SCFD2: variants seen among roughly 807,000 people sequenced by gnomAD.
SCFD2 encodes sec1 family domain-containing protein 2.
SCFD2 carries 54 observed loss-of-function variants against 58.9 expected under a neutral mutation model. The ratio of observed to expected loss-of-function variants is 0.92; its 90% CI spans 0.74 to 1.15. The LOEUF is 1.15. Ranked by LOEUF, SCFD2 falls within the 50% of genes most tolerant of loss-of-function variation. The pLI is 0.00. For synonymous variants in SCFD2, 321 were observed against 335.9 expected, an observed-to-expected ratio of 0.96 and a Z score of 0.49; for missense variants, 805 against 836.6, an observed-to-expected ratio of 0.96 and a Z score of 0.47.
chr4:53,352,955 T>C (rs1180024295), intron 1 of SCFD2, among the ~76,000 whole-genome samples, 189 bp from the exon 2 acceptor site: 7 of 152,152 alleles, frequency 4.6e-5, no homozygotes. Context: ...ACCTCACAGG[T>C]TGTAATTAAG....
chr4:53,182,571 A>G (rs1050657508), intron 4 of SCFD2, among the ~76,000 whole-genome samples: 24 of 152,208 alleles, frequency 1.6e-4, no homozygotes, highest in African/African-American at 4.8e-4. Flanking sequence ...CCTAGGCAAT[A>G]CCATTCAGGA....
intron 4 of SCFD2, among the ~76,000 whole-genome samples, chr4:53,173,423 T>G (rs1173727991): frequency 1.3e-5 from 2 of 152,180 alleles, no homozygotes; most frequent in East Asian, 3.9e-4. Flanking sequence ...GATTTCCATT[T>G]GTGTGGAATA....
intron 2 of SCFD2, among the ~76,000 whole-genome samples, chr4:53,319,564 G>A (rs552043126): frequency 3.3e-5 from 5 of 149,286 alleles, no homozygotes; most frequent in South Asian, 4.2e-4. Context: ...AAGGAGTCTC[G>A]CTCTGTCACC....
chr4:53,121,788 A>T (rs940428109), intron 5 of SCFD2, among the ~76,000 whole-genome samples: 3 of 152,210 alleles, frequency 2.0e-5, no homozygotes, highest in African/African-American at 7.2e-5. Flanking sequence ...CCCTGCCTGC[A>T]TATTGTTTCA....
intron 4 of SCFD2, among the ~76,000 whole-genome samples, chr4:53,184,194 C>G (rs1293103393): frequency 6.6e-6 from 1 of 152,066 alleles, no homozygotes; most frequent in Admixed American, 6.6e-5. Context: ...ACATAACCAC[C>G]CGTTTAGCTT....
intron 5 of SCFD2, among the ~76,000 whole-genome samples, chr4:53,142,874 T>C (rs1319228033): frequency 1.3e-5 from 2 of 152,218 alleles, no homozygotes; most frequent in African/African-American, 4.8e-5. Flanking sequence ...CAGTGGTAAG[T>C]TTGAATATGT....
At chr4:53,012,969 G>A (rs1332980214) in intron 5 of SCFD2, among the ~76,000 whole-genome samples, 1 of 152,054 alleles carries the variant, frequency 6.6e-6, no homozygotes, top group Non-Finnish European at 1.5e-5. Flanking sequence ...ACAGGAAGGG[G>A]CCCTAGCTAG....
At chr4:53,014,175 A>G (rs1419455356) in intron 5 of SCFD2, among the ~76,000 whole-genome samples, 1 of 152,208 alleles carries the variant, frequency 6.6e-6, no homozygotes, top group Non-Finnish European at 1.5e-5. Context: ...GCAGAGTGCT[A>G]TGAGACAGAG....
At chr4:52,968,141 C>A (rs953795385) in intron 5 of SCFD2, among the ~76,000 whole-genome samples, 3 of 152,188 alleles carry the variant, frequency 2.0e-5, no homozygotes, top group African/African-American at 7.2e-5. Context: ...TCACAGCCAT[C>A]AATGTTTGCT....
chr4:53,180,953 G>A (rs1383958486), intron 4 of SCFD2, among the ~76,000 whole-genome samples: 2 of 152,124 alleles, frequency 1.3e-5, no homozygotes, highest in Non-Finnish European at 2.9e-5. Flanking sequence ...GACTAAACCA[G>A]GAAGAAGTTG....
At chr4:53,192,488 A>G (rs1727943370) in intron 4 of SCFD2, among the ~76,000 whole-genome samples, 1 of 152,204 alleles carries the variant, frequency 6.6e-6, no homozygotes, top group Non-Finnish European at 1.5e-5. Context: ...TCTCTGTACT[A>G]TCTGTGCAAC....
At chr4:53,239,030 A>G (rs1292959579) in intron 4 of SCFD2, among the ~76,000 whole-genome samples, 3 of 151,828 alleles carry the variant, frequency 2.0e-5, no homozygotes, top group South Asian at 4.2e-4. Context: ...TGGAGGTTGT[A>G]GCGAGCCGAG....
chr4:53,261,457 G>A (rs1254497904), intron 4 of SCFD2, among the ~76,000 whole-genome samples: 1 of 151,738 alleles, frequency 6.6e-6, no homozygotes, highest in Non-Finnish European at 1.5e-5. Context: ...CTTTTAATTT[G>A]CATCTTGATT....
chr4:53,073,632 A>G (rs1392050156), intron 5 of SCFD2, among the ~76,000 whole-genome samples: 1 of 152,154 alleles, frequency 6.6e-6, no homozygotes, highest in Non-Finnish European at 1.5e-5. Context: ...AGATCTGCAG[A>G]CATGAGTGGG....
intron 3 of SCFD2, among the ~76,000 whole-genome samples, chr4:53,308,868 C>T (rs574704967): frequency 2.6e-5 from 4 of 152,256 alleles, no homozygotes; most frequent in East Asian, 1.9e-4. Flanking sequence ...CGATGGCTCA[C>T]GCCTGTAATC....
intron 4 of SCFD2, among the ~76,000 whole-genome samples, chr4:53,266,478 A>G (rs1401665896): frequency 6.6e-6 from 1 of 152,144 alleles, no homozygotes. Flanking sequence ...ATCTCACTCA[A>G]TCCTGACAAT....
At chr4:53,051,634 A>C (rs143714544) in intron 5 of SCFD2, among the ~76,000 whole-genome samples, 1 of 152,324 alleles carries the variant, frequency 6.6e-6, no homozygotes, top group East Asian at 1.9e-4. Context: ...AGATTTAATT[A>C]CATTGGTTAA....
chr4:53,222,753 A>G (rs192450388), intron 4 of SCFD2, among the ~76,000 whole-genome samples: 1 of 152,352 alleles, frequency 6.6e-6, no homozygotes, highest in Admixed American at 6.5e-5. Context: ...ATCACTGCAA[A>G]TAATATGCCA....
intron 5 of SCFD2, among the ~76,000 whole-genome samples, chr4:53,005,812 C>T (rs986866496): frequency 6.6e-6 from 1 of 152,168 alleles, no homozygotes; most frequent in Non-Finnish European, 1.5e-5. Context: ...TCTACTGAAA[C>T]CTTCTACCTT....
Sources: gnomAD v4.1 joint callset for allele counts (sites outside exome capture counted in the v4.1 genomes callset) on GRCh38, gnomAD v4.1.1 for gene constraint, MANE v1.5 for transcripts, NCBI Gene and HGNC (gene_info 2026-07-23, HGNC 2026-07-21) for gene names.